LRRC7: variants seen among roughly 807,000 people sequenced by gnomAD.
LRRC7 encodes leucine-rich repeat-containing protein 7.
LRRC7 carries 23 observed loss-of-function variants against 175.7 expected under a neutral mutation model. The ratio of observed to expected loss-of-function variants is 0.13; its 90% confidence interval spans 0.09 to 0.19. The LOEUF (loss-of-function observed/expected upper bound fraction) is 0.19, where lower values mean the gene tolerates loss of function less well. Ranked by LOEUF, LRRC7 falls within the 10% of genes least tolerant of loss-of-function variation. The pLI is 1.00. For synonymous variants in LRRC7, 685 were observed against 680.9 expected (o/e 1.01, Z -0.09); for missense variants, 1,354 against 1,904.7 (o/e 0.71, Z 5.38).
intron 2 of LRRC7, among the ~76,000 whole-genome samples, chr1:69,756,681 G>A (rs1159393323): frequency 2.0e-5 from 3 of 151,676 alleles, no homozygotes; most frequent in Admixed American, 6.6e-5. Flanking sequence ...ATATTTTGAG[G>A]TATCAAAAAG....
intron 1 of LRRC7, among the ~76,000 whole-genome samples, chr1:69,673,064 A>T (rs922594319): frequency 1.3e-5 from 2 of 152,186 alleles, no homozygotes; most frequent in African/African-American, 4.8e-5. Flanking sequence ...TCTTCCCTAC[A>T]ATTCCAAGTA....
At chr1:69,911,355 A>G (rs959123132) in intron 7 of LRRC7, among the ~76,000 whole-genome samples, 1 of 152,136 alleles carries the variant, frequency 6.6e-6, no homozygotes, top group African/African-American at 2.4e-5. Flanking sequence ...ACCCTGTTGT[A>G]AGTTCTTTGA....
At chr1:69,785,019 T>C (rs1210888704) in intron 3 of LRRC7, among the ~76,000 whole-genome samples, 2 of 152,158 alleles carry the variant, frequency 1.3e-5, no homozygotes, top group East Asian at 1.9e-4. Context: ...TAAAAAATAC[T>C]GTGTAGTAAT....
chr1:69,934,521 T>G, intron 8 of LRRC7, among the ~76,000 whole-genome samples: 1 of 147,042 alleles, frequency 6.8e-6, no homozygotes, highest in Admixed American at 6.8e-5. Flanking sequence ...GTGGGGGGTT[T>G]TGTTGTTTCT....
At chr1:69,972,153 C>T (rs985091064) in intron 8 of LRRC7, among the ~76,000 whole-genome samples, 3 of 152,124 alleles carry the variant, frequency 2.0e-5, no homozygotes, top group East Asian at 1.9e-4. Context: ...AATCTAAGAC[C>T]GGAAACTACA....
At chr1:70,018,484 T>A (rs965056678) in intron 14 of LRRC7, among the ~76,000 whole-genome samples, 1 of 152,072 alleles carries the variant, frequency 6.6e-6, no homozygotes, top group Admixed American at 6.5e-5. Context: ...CCCAGTTGAA[T>A]AGGTTTTGAT....
At chr1:70,034,817 G>A (rs2102014200) in intron 18 of LRRC7, among the ~76,000 whole-genome samples, 1 of 152,230 alleles carries the variant, frequency 6.6e-6, no homozygotes, top group Admixed American at 6.5e-5. Flanking sequence ...AAATTAACAA[G>A]TAACAGATAT....
intron 2 of LRRC7, among the ~76,000 whole-genome samples, chr1:69,709,696 A>G (rs890567418): frequency 6.6e-6 from 1 of 152,178 alleles, no homozygotes; most frequent in African/African-American, 2.4e-5. Flanking sequence ...TATGATAGAG[A>G]GTTGTGTTAT....
intron 1 of LRRC7, among the ~76,000 whole-genome samples, chr1:69,582,532 G>T (rs969502087): frequency 3.3e-5 from 5 of 152,168 alleles, no homozygotes; most frequent in African/African-American, 1.2e-4. Context: ...AGGTCCATTT[G>T]CAGTCCTTTG....
At chr1:69,851,239 A>G (rs925291290) in intron 7 of LRRC7, among the ~76,000 whole-genome samples, 2 of 152,190 alleles carry the variant, frequency 1.3e-5, no homozygotes, top group African/African-American at 4.8e-5. Context: ...CAGCCTTATT[A>G]GAGTAGTTGA....
chr1:70,052,975 T>A (rs771777971), intron 22 of LRRC7, 51 bp from the exon 23 acceptor site: 2 of 1,498,460 alleles, frequency 1.3e-6, no homozygotes, highest in Non-Finnish European at 1.8e-6. Context: ...CAGAAAACTA[T>A]GGTAAACTTC....
intron 2 of LRRC7, among the ~76,000 whole-genome samples, chr1:69,756,827 A>G (rs1278596901): frequency 3.9e-5 from 6 of 151,996 alleles, no homozygotes; most frequent in Non-Finnish European, 8.8e-5. Flanking sequence ...TCACAGGATG[A>G]TAGTGAAGAG....
chr1:69,622,604 GT>G (rs1650806307), intron 1 of LRRC7, among the ~76,000 whole-genome samples: 1 of 152,156 alleles, frequency 6.6e-6, no homozygotes, highest in East Asian at 1.9e-4. Context: ...AAGACCTGAG[GT>G]AATGTTGAGA....
chr1:70,027,160 A>G (rs1289373172), intron 17 of LRRC7, among the ~76,000 whole-genome samples: 3 of 152,048 alleles, frequency 2.0e-5, no homozygotes, highest in African/African-American at 7.2e-5. Flanking sequence ...CACATAAATC[A>G]TTTCATTTTG....
intron 2 of LRRC7, among the ~76,000 whole-genome samples, chr1:69,693,086 A>G (rs1662097548): frequency 6.6e-6 from 1 of 152,188 alleles, no homozygotes; most frequent in Non-Finnish European, 1.5e-5. Flanking sequence ...CCTTCAAACT[A>G]CATCACTGGC....
At chr1:70,000,728 T>G (rs973268747) in intron 11 of LRRC7, among the ~76,000 whole-genome samples, 4 of 152,180 alleles carry the variant, frequency 2.6e-5, no homozygotes, top group African/African-American at 9.7e-5. Flanking sequence ...AGGTCCATAC[T>G]CTTAAACATC....
At chr1:70,101,099 T>A (rs1664774985) in intron 25 of LRRC7, among the ~76,000 whole-genome samples, 1 of 152,130 alleles carries the variant, frequency 6.6e-6, no homozygotes, top group Non-Finnish European at 1.5e-5. Flanking sequence ...ATATTGATAT[T>A]GCCCACATTA....
At chr1:69,970,882 G>A (rs542028426) in intron 8 of LRRC7, among the ~76,000 whole-genome samples, 6 of 152,020 alleles carry the variant, frequency 3.9e-5, no homozygotes, top group African/African-American at 7.2e-5. Context: ...AATCCTTAAC[G>A]TAATACTAGC....
At chr1:69,590,032 T>C (rs1486441850) in intron 1 of LRRC7, among the ~76,000 whole-genome samples, 2 of 152,160 alleles carry the variant, frequency 1.3e-5, no homozygotes, top group African/African-American at 4.8e-5. Context: ...CCTTCTGCAA[T>C]GAAAGCCACT....
Sources: gnomAD v4.1 joint callset for allele counts (sites outside exome capture counted in the v4.1 genomes callset) on GRCh38, gnomAD v4.1.1 for gene constraint, MANE v1.5 for transcripts, NCBI Gene and HGNC (gene_info 2026-07-23, HGNC 2026-07-21) for gene names.